Variants in CACNA2D4 observed in about 807,000 individuals in gnomAD.
CACNA2D4 encodes voltage-dependent calcium channel subunit alpha-2/delta-4.
A neutral mutation model predicts 163.8 loss-of-function variants in CACNA2D4; 157 were observed. The ratio of observed to expected loss-of-function variants is 0.96; its 90% CI spans 0.84 to 1.09. CACNA2D4 has a LOEUF of 1.09. CACNA2D4 is among the 50% of genes least tolerant of loss of function. The probability of loss-of-function intolerance (pLI) is 0.00; values close to 1 mark genes in which losing one functional copy is unlikely to be tolerated. For missense variants in CACNA2D4, 1,410 were observed against 1,479.9 expected (o/e 0.95, Z 0.78); for synonymous variants, 598 against 586.9 (o/e 1.02, Z -0.27).
intron 23 of CACNA2D4, among the ~76,000 whole-genome samples, chr12:1,852,909 A>C (rs148515195): frequency 3.9e-5 from 6 of 152,222 alleles, no homozygotes; most frequent in African/African-American, 1.4e-4. Flanking sequence ...TCATCTGTCA[A>C]ATGGCAGTAA....
chr12:1,903,844 T>C (rs923416485), intron 6 of CACNA2D4, among the ~76,000 whole-genome samples: 14 of 152,078 alleles, frequency 9.2e-5, no homozygotes, highest in African/African-American at 2.7e-4. Flanking sequence ...AGAGCTACCA[T>C]GTGATCCAGC....
At chr12:1,913,256 T>C in intron 2 of CACNA2D4, 117 bp from the exon 3 acceptor site, 1 of 728,812 alleles carries the variant, frequency 1.4e-6, no homozygotes, top group Non-Finnish European at 2.5e-6. Flanking sequence ...GGAGCCTGGT[T>C]TACTCAACTA....
intron 6 of CACNA2D4, among the ~76,000 whole-genome samples, chr12:1,903,594 A>G (rs1866587589): frequency 6.6e-6 from 1 of 152,072 alleles, no homozygotes; most frequent in Admixed American, 6.6e-5. Context: ...AAGAAAGACA[A>G]ATGGCAAACA....
chr12:1,799,531 C>A lies in CACNA2D4; in HGVS notation c.2995+144G>T. 1 of 864,460 alleles carries A rather than the reference C, an allele frequency of 1.2e-6. No individual in the cohort carries two copies. The highest frequency in any genetic ancestry group is 1.8e-6 in the Non-Finnish European group (1 of 544,760). The allele number at this position is 864,460 out of a possible 1,614,324, so 53.5% of individuals were successfully genotyped here. On this transcript the variant is annotated intron_variant, in intron 34 of 37. Transcript: ENST00000382722. The surrounding 1 kb of genome is among the most constrained non-coding windows in gnomAD (Gnocchi z 4.7). ...GGGCTAGACTCCCCAGTCCCCCAACCCCCAGGAATGGTACTTTAAACCAGG... is the reference window on the plus strand; with the variant it reads ...GGGCTAGACTCCCCAGTCCCCCAACACCCAGGAATGGTACTTTAAACCAGG...
chr12:1,836,596 CT>C (rs1317322421), intron 26 of CACNA2D4: 1 of 152,410 alleles, frequency 6.6e-6, no homozygotes, highest in Non-Finnish European at 1.5e-5. Flanking sequence ...GGCGTGTGGG[CT>C]GGTACCAGAT....
chr12:1,884,886 G>A lies in CACNA2D4; in HGVS notation c.1159-5C>T, dbSNP rs1317821797. ...TCCTTGCTTGGCCTCTTGGAACTGT[G>A]TAGGGAAGAGGAGTGCCCATGACCA... is the stretch of plus-strand genomic sequence containing the variant. On this transcript the variant is annotated splice_polypyrimidine_tract_variant and splice_region_variant and intron_variant, in intron 10 of 37. Coordinates refer to ENST00000382722, the MANE Select transcript of CACNA2D4 (RefSeq NM_172364.5). 1 of 1,612,168 alleles carries A rather than the reference G, an allele frequency of 6.2e-7. No individual in the cohort carries two copies. Among genetic ancestry groups the A allele is most frequent in the Non-Finnish European group, 8.5e-7 (1 of 1,178,342 alleles).
At chr12:1,887,832 G>A (rs1258929299) in intron 6 of CACNA2D4, among the ~76,000 whole-genome samples, 1 of 152,204 alleles carries the variant, frequency 6.6e-6, no homozygotes, top group Non-Finnish European at 1.5e-5. Context: ...GCAATATGTT[G>A]TGATTGGGAT....
At chr12:1,910,929 A>G (rs1455111126) in intron 3 of CACNA2D4, among the ~76,000 whole-genome samples, 1 of 151,928 alleles carries the variant, frequency 6.6e-6, no homozygotes, top group African/African-American at 2.4e-5. Context: ...GATGATGGAG[A>G]TGGTTGTACA....
rs142366398 is a variant in CACNA2D4 at position 1,847,507 on chromosome 12, C to A, written c.2247-818G>T. 3.2e-3 allele frequency among the ~76,000 whole-genome samples: 488 copies of A among 152,302 alleles called. 3 individuals carry two copies. Among genetic ancestry groups the A allele is most frequent in the African/African-American group, 0.011 (464 of 41,554 alleles). Reference sequence around the variant, plus strand: ...GACTGTAGTAAGGTCTGGAAAATCACTGAGGGAAAGGGTCTCCCCCACCTA... The same window carrying A: ...GACTGTAGTAAGGTCTGGAAAATCAATGAGGGAAAGGGTCTCCCCCACCTA... On this transcript the variant is annotated intron_variant, in intron 23 of 37. Coordinates refer to ENST00000382722, the MANE Select transcript of CACNA2D4 (RefSeq NM_172364.5).
chr12:1,815,678 C>T (rs996019298), intron 26 of CACNA2D4, among the ~76,000 whole-genome samples: 10 of 144,160 alleles, frequency 6.9e-5, no homozygotes, highest in Non-Finnish European at 7.4e-5. Context: ...AGCCACTTGA[C>T]GGGGAAGCCG....
At chr12:1,818,002 C>T (rs529427144) in intron 26 of CACNA2D4, among the ~76,000 whole-genome samples, 6 of 150,958 alleles carry the variant, frequency 4.0e-5, no homozygotes, top group Admixed American at 6.6e-5. Context: ...AAGTGAGGAG[C>T]GCCTCTGCCC....
intron 29 of CACNA2D4, among the ~76,000 whole-genome samples, chr12:1,807,666 C>A (rs756738635): frequency 6.6e-6 from 1 of 152,072 alleles, no homozygotes; most frequent in South Asian, 2.1e-4. Context: ...GTTCTCCACA[C>A]GGTTACCCAG....
rs954247814 is a variant in CACNA2D4 at position 1,811,153 on chromosome 12, G to A, written c.2613+509C>T. 1.3e-5 allele frequency among the ~76,000 whole-genome samples: 2 copies of A among 152,338 alleles called. 1 individual carries two copies. Among genetic ancestry groups the A allele is most frequent in the Middle Eastern group, 6.8e-3 (2 of 294 alleles). On this transcript the variant is annotated intron_variant, in intron 27 of 37. Coordinates refer to ENST00000382722, the MANE Select transcript of CACNA2D4 (RefSeq NM_172364.5). ...GCAAGTGATGGGGGCCGAGGGGCTC[G>A]GCGTTGCAGGAGATTGAGGCTGAGG... is the stretch of plus-strand genomic sequence containing the variant.
In CACNA2D4 at chr12:1,916,904, C is replaced by T. The variant is rs79389018; in HGVS notation, c.227+1343G>A. On this transcript the variant is annotated intron_variant, in intron 1 of 37. Coordinates refer to ENST00000382722, the MANE Select transcript of CACNA2D4 (RefSeq NM_172364.5). ...GTGCAGGCTGTTGTCTCTGGCAGCACCCAGGGCTTCTGCATAGATGGCCGC... is the reference window on the plus strand; with the variant it reads ...GTGCAGGCTGTTGTCTCTGGCAGCATCCAGGGCTTCTGCATAGATGGCCGC... Among the ~76,000 whole-genome samples, 1,034 of 152,272 alleles carry T rather than the reference C, an allele frequency of 6.8e-3. 12 individuals are homozygous for T. Among genetic ancestry groups the T allele is most frequent in the African/African-American group, 0.023 (963 of 41,542 alleles).
chr12:1,904,010 G>T (rs749901612), intron 6 of CACNA2D4, among the ~76,000 whole-genome samples: 16 of 151,994 alleles, frequency 1.1e-4, no homozygotes, highest in Non-Finnish European at 2.2e-4. Context: ...AAGAAAATGT[G>T]GTACATGTAT....
chr12:1,908,153 G>A, intron 4 of CACNA2D4, 116 bp from the exon 5 acceptor site: 2 of 1,085,694 alleles, frequency 1.8e-6, no homozygotes. Flanking sequence ...GCGGCCATCA[G>A]AGTCTACACA....
chr12:1,884,928 C>T (rs768354539), intron 10 of CACNA2D4, 47 bp from the exon 11 acceptor site: 2 of 1,601,198 alleles, frequency 1.2e-6, no homozygotes, highest in South Asian at 1.1e-5. Flanking sequence ...AAGCCCACCC[C>T]CCTCCACCTG....
At chr12:1,800,531 G>A in intron 31 of CACNA2D4, 93 bp from the exon 32 acceptor site, 1 of 1,311,770 alleles carries the variant, frequency 7.6e-7, no homozygotes, top group African/African-American at 1.5e-5. Context: ...AGAGACCAGA[G>A]AGTGGGCTGC....
chr12:1,854,193 C>T (rs4766425), intron 22 of CACNA2D4, 149 bp from the exon 23 acceptor site: 36,086 of 542,304 alleles, frequency 0.067, 4,385 homozygotes, highest in East Asian at 0.45. Context: ...AGGGAGCTGC[C>T]TCACCTCTGT....
Sources: gnomAD v4.1 joint callset for allele counts (sites outside exome capture counted in the v4.1 genomes callset) on GRCh38, gnomAD v4.1.1 for gene constraint, Gnocchi (gnomAD v3.1) non-coding constraint, MANE v1.5 for transcripts, NCBI Gene and HGNC (gene_info 2026-07-23, HGNC 2026-07-21) for gene names.